TBCK: variants seen among roughly 807,000 people sequenced by gnomAD.
The protein encoded by TBCK is TBC domain-containing protein kinase-like protein.
Under a neutral mutation model 113.4 loss-of-function variants are expected in TBCK, and 99 were observed. The observed-to-expected ratio is 0.87, with a 90% CI of 0.74 to 1.03. TBCK has a LOEUF of 1.03. TBCK is among the 50% of genes least tolerant of loss of function. TBCK has a pLI of 0.00. For synonymous variants in TBCK, 369 were observed against 370.8 expected, an observed-to-expected ratio of 1.00 and a Z score of 0.05; for missense variants, 1,045 against 1,061.3, an observed-to-expected ratio of 0.98 and a Z score of 0.21.
Position 106,270,080 on chromosome 4 carries a change from C to T in TBCK, c.267-7868G>A, listed in dbSNP as rs963641294. 3.3e-5 allele frequency among the ~76,000 whole-genome samples: 5 copies of T among 152,154 alleles called. 1 individual carries two copies. Among genetic ancestry groups the T allele is most frequent in the Middle Eastern group, 6.8e-3 (2 of 294 alleles). The stretch of plus-strand genomic sequence containing the variant: ...CACAGAATCTTAATCATCTTAAAAG[C>T]AAAACAAAATAAACAAAAAGTCCAA... On this transcript the variant is annotated intron_variant, in intron 3 of 25. Transcript: ENST00000394708.
intron 12 of TBCK, among the ~76,000 whole-genome samples, chr4:106,239,686 A>G (rs2150022570): frequency 6.6e-6 from 1 of 152,176 alleles, no homozygotes; most frequent in Non-Finnish European, 1.5e-5. Context: ...ATTTAAAAAC[A>G]AAATAAACAA....
intron 19 of TBCK, among the ~76,000 whole-genome samples, chr4:106,215,894 C>A (rs538671589): frequency 6.6e-6 from 1 of 151,498 alleles, no homozygotes; most frequent in Non-Finnish European, 1.5e-5. Context: ...ACTCTCCACC[C>A]CAAATCAACA....
chr4:106,130,518 T>TATTATATA (rs1578996968), intron 23 of TBCK, among the ~76,000 whole-genome samples: 1 of 151,926 alleles, frequency 6.6e-6, no homozygotes, highest in East Asian at 1.9e-4. Flanking sequence ...ATTAAGGGGA[T>TATTATATA]ATTATATATT....
Position 106,042,355 on chromosome 4 carries a change from TA to T in TBCK, c.*4214del, listed in dbSNP as rs959753789. On this transcript the variant is annotated 3_prime_UTR_variant, in exon 26 of 26. Transcript: ENST00000394708. ...GATTTTATTAAATAAGACTACTGCATAAGATTTTTTTTTTTCTTTTTTGAGA... is the reference window on the plus strand; with the variant it reads ...GATTTTATTAAATAAGACTACTGCATAGATTTTTTTTTTTCTTTTTTGAGA... The T allele has an allele frequency of 6.6e-6, 1 of 152,198 alleles. No individual in the cohort carries two copies. 9.4% of individuals were successfully genotyped at this position (152,198 alleles called of 1,614,324 possible).
At chr4:106,058,564 T>A (rs1265959256) in intron 25 of TBCK, among the ~76,000 whole-genome samples, 6 of 151,628 alleles carry the variant, frequency 4.0e-5, no homozygotes, top group Non-Finnish European at 8.9e-5. Flanking sequence ...GAAGTGGGAA[T>A]AATGCTCCAA....
intron 5 of TBCK, among the ~76,000 whole-genome samples, chr4:106,258,209 C>T (rs902762097): frequency 7.9e-5 from 12 of 152,008 alleles, no homozygotes; most frequent in South Asian, 2.1e-4. Flanking sequence ...CAGAACTTTG[C>T]TGTGAGTATG....
intron 24 of TBCK, among the ~76,000 whole-genome samples, chr4:106,107,378 T>C (rs1742290315): frequency 6.6e-6 from 1 of 152,288 alleles, no homozygotes; most frequent in Middle Eastern, 3.4e-3. Context: ...ATCGACCACA[T>C]AACTGGACAT....
At chr4:106,149,595 T>C (rs1307346928) in intron 23 of TBCK, among the ~76,000 whole-genome samples, 15 of 152,316 alleles carry the variant, frequency 9.8e-5, no homozygotes, top group African/African-American at 3.6e-4. Flanking sequence ...TTTGCCATTT[T>C]AAATGGGCTC....
chr4:106,237,509 A>G (rs745697609), intron 12 of TBCK: 7 of 455,928 alleles, frequency 1.5e-5, no homozygotes, highest in South Asian at 9.3e-5. Flanking sequence ...CTGCTGTTCA[A>G]CTTCCAACTT....
At chr4:106,074,063 C>T (rs578054412) in intron 25 of TBCK, among the ~76,000 whole-genome samples, 26 of 152,300 alleles carry the variant, frequency 1.7e-4, no homozygotes, top group Admixed American at 1.3e-3. Flanking sequence ...CAACCCCCTG[C>T]GTTTCCCAGG....
At chr4:106,220,307 C>T (rs779495258) in intron 19 of TBCK, among the ~76,000 whole-genome samples, 7 of 152,200 alleles carry the variant, frequency 4.6e-5, no homozygotes, top group Non-Finnish European at 1.0e-4. Flanking sequence ...GCTTCTTCCT[C>T]ATCTTCTCCT....
chr4:106,138,713 C>A (rs1746845649), intron 23 of TBCK, among the ~76,000 whole-genome samples: 1 of 140,754 alleles, frequency 7.1e-6, no homozygotes, highest in Admixed American at 7.0e-5. Context: ...TATTAATATC[C>A]AGAAATAATT....
intron 24 of TBCK, among the ~76,000 whole-genome samples, chr4:106,104,011 G>C (rs1027067219): frequency 6.6e-6 from 1 of 152,174 alleles, no homozygotes; most frequent in African/African-American, 2.4e-5. Flanking sequence ...ATCTCCTTGT[G>C]AACCCACTCC....
chr4:106,316,483 C>A, upstream of TBCK: 1 of 1,498,800 alleles, frequency 6.7e-7, no homozygotes, highest in Non-Finnish European at 9.1e-7. Context: ...AACACTCAGG[C>A]TTTCAGCAAG....
chr4:106,308,979 T>C lies in TBCK; in HGVS notation c.-19A>G, dbSNP rs1172546106. The C allele has an allele frequency of 2.5e-6, 4 of 1,596,336 alleles. No homozygotes were observed. The African/African-American group carries it at 4.1e-5, about 16-fold the overall frequency. ...GAAACATTTTTGGAGTCCTAGGTCT[T>C]CTAAGATAATCTGGAAAAGGAGAGA... On this transcript the variant is annotated 5_prime_UTR_variant, in exon 2 of 26. Coordinates refer to ENST00000394708, the MANE Select transcript of TBCK (RefSeq NM_001163435.3).
At chr4:106,132,344 G>A (rs1157562054) in intron 23 of TBCK, among the ~76,000 whole-genome samples, 3 of 152,222 alleles carry the variant, frequency 2.0e-5, no homozygotes, top group Non-Finnish European at 1.5e-5. Flanking sequence ...GGCTAAAGGG[G>A]GCCAATGTAC....
intron 24 of TBCK, among the ~76,000 whole-genome samples, chr4:106,113,041 T>C (rs1743040234): frequency 6.6e-6 from 1 of 152,218 alleles, no homozygotes; most frequent in African/African-American, 2.4e-5. Flanking sequence ...GATATGTACA[T>C]GTATCCATTA....
At chr4:106,217,984 G>T (rs1266956325) in intron 19 of TBCK, among the ~76,000 whole-genome samples, 2 of 144,512 alleles carry the variant, frequency 1.4e-5, no homozygotes, top group Non-Finnish European at 3.1e-5. Flanking sequence ...CAAGGCTACA[G>T]TAACCAAAAC....
chr4:106,308,270 A>G (rs931306553), intron 2 of TBCK, among the ~76,000 whole-genome samples: 1 of 152,248 alleles, frequency 6.6e-6, no homozygotes, highest in African/African-American at 2.4e-5. Flanking sequence ...CTCAAGAACT[A>G]AGAATCCTCA....
Sources: allele counts gnomAD v4.1 joint callset (sites outside exome capture counted in the v4.1 genomes callset), GRCh38; gene constraint gnomAD v4.1.1; transcripts MANE v1.5; gene names NCBI Gene and HGNC (gene_info 2026-07-23, HGNC 2026-07-21).